PCDH9: variants seen among roughly 807,000 people sequenced by gnomAD.
PCDH9 encodes the protein protocadherin 9, also known as protocadherin-9.
A neutral mutation model predicts 70.6 loss-of-function variants in PCDH9; 24 were observed. That is an observed-to-expected ratio of 0.34 (90% CI 0.25 to 0.48). The LOEUF (loss-of-function observed/expected upper bound fraction) is 0.48, where lower values mean the gene tolerates loss of function less well. Ranked by LOEUF, PCDH9 falls within the 20% of genes least tolerant of loss-of-function variation. The probability of loss-of-function intolerance (pLI) is 0.99; values close to 1 mark genes in which losing one functional copy is unlikely to be tolerated. For synonymous variants in PCDH9, 562 were observed against 558.5 expected, an observed-to-expected ratio of 1.01 and a Z score of -0.09; for missense variants, 1,281 against 1,503.6, an observed-to-expected ratio of 0.85 and a Z score of 2.45.
intron 2 of PCDH9, among the ~76,000 whole-genome samples, chr13:66,920,993 T>C (rs1241964138): frequency 1.3e-5 from 2 of 151,240 alleles, no homozygotes; most frequent in African/African-American, 2.4e-5. Context: ...TTAGAGTGAA[T>C]CTCAGAATTT....
intron 3 of PCDH9, among the ~76,000 whole-genome samples, chr13:66,688,420 G>A (rs2078435912): frequency 6.6e-6 from 1 of 152,110 alleles, no homozygotes; most frequent in South Asian, 2.1e-4. Flanking sequence ...TATGTGGTTA[G>A]GCATCTTACA....
intron 2 of PCDH9, among the ~76,000 whole-genome samples, chr13:67,093,622 G>A (rs1184508823): frequency 6.6e-6 from 1 of 152,072 alleles, no homozygotes; most frequent in East Asian, 1.9e-4. Flanking sequence ...TTTCTCATTA[G>A]CAGACCAATA....
intron 3 of PCDH9, among the ~76,000 whole-genome samples, chr13:66,849,122 T>C (rs575307923): frequency 5.0e-4 from 76 of 152,152 alleles, no homozygotes; most frequent in African/African-American, 1.8e-3. Flanking sequence ...TAATTGGGTA[T>C]CCAAAGATTT....
chr13:66,734,603 T>C (rs181604207), intron 3 of PCDH9, among the ~76,000 whole-genome samples: 266 of 152,270 alleles, frequency 1.7e-3, no homozygotes, highest in African/African-American at 6.1e-3. Flanking sequence ...AGCACATTCA[T>C]TTTCTACACT....
chr13:66,445,615 A>G (rs999090988), intron 4 of PCDH9, among the ~76,000 whole-genome samples: 1 of 139,186 alleles, frequency 7.2e-6, no homozygotes, highest in South Asian at 2.2e-4. Flanking sequence ...TATATATTAT[A>G]TATACACATA....
chr13:66,831,894 A>AGCT (rs2093392284), intron 3 of PCDH9, among the ~76,000 whole-genome samples: 1 of 11,418 alleles, frequency 8.8e-5, no homozygotes, highest in African/African-American at 9.6e-5. Flanking sequence ...GTGTAATAAA[A>AGCT]ACTGTGGAAA....
intron 3 of PCDH9, among the ~76,000 whole-genome samples, chr13:66,792,133 T>G (rs933279692): frequency 6.6e-6 from 1 of 152,210 alleles, no homozygotes; most frequent in Non-Finnish European, 1.5e-5. Context: ...TGTAAGTCAG[T>G]AAATGAAAAC....
intron 4 of PCDH9, among the ~76,000 whole-genome samples, chr13:66,339,790 TA>T (rs1460633818): frequency 4.6e-5 from 7 of 152,252 alleles, no homozygotes; most frequent in African/African-American, 7.2e-5. Flanking sequence ...AGGCACTTTT[TA>T]AAAAAGGGAA....
intron 2 of PCDH9, among the ~76,000 whole-genome samples, chr13:66,983,462 G>C (rs1311062214): frequency 3.3e-5 from 5 of 151,932 alleles, no homozygotes; most frequent in Admixed American, 2.0e-4. Context: ...AAAAATAAAA[G>C]GAGAAAACAG....
At chr13:66,833,813 C>A (rs1259570082) in intron 3 of PCDH9, among the ~76,000 whole-genome samples, 1 of 152,056 alleles carries the variant, frequency 6.6e-6, no homozygotes, top group Non-Finnish European at 1.5e-5. Flanking sequence ...GACGAAGAAA[C>A]CAGTTTTATA....
chr13:66,791,840 A>G lies in PCDH9; in HGVS notation c.3138+111664T>C, dbSNP rs1254005173. ...TTTTTTCTATCATGTGGACTTTTCT[A>G]CAATATAAATAATATAGTGTGACAG... On this transcript the variant is annotated intron_variant, in intron 3 of 4. Transcript: ENST00000377865. Among the ~76,000 whole-genome samples the G allele has an allele frequency of 5.3e-5, 8 of 152,252 alleles. No individual in the cohort carries two copies. The East Asian group carries it at 1.5e-3, about 29-fold the overall frequency.
intron 3 of PCDH9, among the ~76,000 whole-genome samples, chr13:66,785,996 C>T (rs940695299): frequency 6.6e-6 from 1 of 152,068 alleles, no homozygotes; most frequent in Non-Finnish European, 1.5e-5. Flanking sequence ...GAGCGCTGCC[C>T]AGCAATTAAA....
intron 2 of PCDH9, among the ~76,000 whole-genome samples, chr13:67,109,278 C>G (rs1416577690): frequency 6.6e-6 from 1 of 152,152 alleles, no homozygotes; most frequent in Non-Finnish European, 1.5e-5. Flanking sequence ...TATGTTCAGA[C>G]CCTAACATTA....
intron 2 of PCDH9, among the ~76,000 whole-genome samples, chr13:67,010,215 AAAACTGAACCTAG>A (rs768067717): frequency 1.2e-4 from 19 of 152,044 alleles, no homozygotes; most frequent in Non-Finnish European, 2.4e-4. Flanking sequence ...GTTTTAAGAT[AAAACTGAACCTAG>A]AAATGTTGAT....
At chr13:67,199,541 T>C (rs899041310) in intron 2 of PCDH9, among the ~76,000 whole-genome samples, 1 of 152,010 alleles carries the variant, frequency 6.6e-6, no homozygotes, top group Non-Finnish European at 1.5e-5. Context: ...ACAAAATATG[T>C]ACTACTTGTA....
chr13:66,740,097 T>A (rs1484713000), intron 3 of PCDH9, among the ~76,000 whole-genome samples: 17 of 147,286 alleles, frequency 1.2e-4, no homozygotes, highest in African/African-American at 3.2e-4. Context: ...GAAGTAAAGC[T>A]CTCCTCAGCA....
chr13:66,538,767 G>A (rs1406397070), intron 4 of PCDH9, among the ~76,000 whole-genome samples: 1 of 151,940 alleles, frequency 6.6e-6, no homozygotes, highest in African/African-American at 2.4e-5. Context: ...TGGGTACTTT[G>A]GCCTAGCCAA....
intron 2 of PCDH9, among the ~76,000 whole-genome samples, chr13:67,135,120 T>C (rs1413945847): frequency 1.3e-5 from 2 of 152,148 alleles, no homozygotes; most frequent in African/African-American, 4.8e-5. Flanking sequence ...TTACTATGAT[T>C]TCCTACCATT....
chr13:67,139,898 CT>C (rs538361573), intron 2 of PCDH9, among the ~76,000 whole-genome samples: 8 of 151,864 alleles, frequency 5.3e-5, no homozygotes, highest in African/African-American at 1.9e-4. Flanking sequence ...TTCAAGTACG[CT>C]TTTTTTGGTG....
Sources: gnomAD v4.1 joint callset for allele counts (sites outside exome capture counted in the v4.1 genomes callset) on GRCh38, gnomAD v4.1.1 for gene constraint, MANE v1.5 for transcripts, NCBI Gene and HGNC (gene_info 2026-07-23, HGNC 2026-07-21) for gene names.